STIM1: variants seen among roughly 807,000 people sequenced by gnomAD.
STIM1 encodes the protein stromal interaction molecule 1.
Under a neutral mutation model 74.7 loss-of-function variants are expected in STIM1, and 25 were observed. That is an observed-to-expected ratio of 0.33 (90% CI 0.24 to 0.47). STIM1 has a LOEUF of 0.47. STIM1 is among the 20% of genes least tolerant of loss of function. STIM1 has a pLI of 1.00. For missense variants in STIM1, 728 were observed against 920.8 expected (o/e 0.79, Z 2.71); for synonymous variants, 328 against 348.8 (o/e 0.94, Z 0.66).
At chr11:3,917,838 T>C (rs2092668409) in intron 1 of STIM1, among the ~76,000 whole-genome samples, 1 of 152,180 alleles carries the variant, frequency 6.6e-6, no homozygotes, top group Non-Finnish European at 1.5e-5. Context: ...GAAGACTAAG[T>C]TTTCTGGGAG....
intron 2 of STIM1, among the ~76,000 whole-genome samples, chr11:3,995,006 T>G (rs1451324575): frequency 6.6e-6 from 1 of 152,210 alleles, no homozygotes; most frequent in African/African-American, 2.4e-5. Flanking sequence ...TTTAAAACAA[T>G]AATTTGTCTC....
chr11:3,892,023 T>A (rs1469086373), intron 1 of STIM1, among the ~76,000 whole-genome samples: 1 of 152,236 alleles, frequency 6.6e-6, no homozygotes, highest in Non-Finnish European at 1.5e-5. Context: ...GCAGAGTGTC[T>A]AAGGACAAAA....
Position 3,879,320 on chromosome 11 carries a change from C to T in STIM1, c.139+22911C>T, listed in dbSNP as rs140593787. The stretch of plus-strand genomic sequence containing the variant: ...CTATGGCTTTCCAAAACCCTCCAAT[C>T]CTGTTCATTCTTTTCTCTGTAGTTT... On this transcript the variant is annotated intron_variant, in intron 1 of 12. Transcript: ENST00000526596. 2.9e-4 allele frequency among the ~76,000 whole-genome samples: 44 copies of T among 152,278 alleles called. 1 individual carries two copies. The East Asian group carries it at 7.3e-3, about 25-fold the overall frequency.
intron 2 of STIM1, among the ~76,000 whole-genome samples, chr11:3,983,019 TCTC>T (rs781101593): frequency 2.7e-4 from 41 of 152,168 alleles, no homozygotes; most frequent in Non-Finnish European, 5.4e-4. Context: ...GCAGCCTCCA[TCTC>T]CTAGGGTCAA....
chr11:4,066,295 G>A (rs957362053), intron 5 of STIM1, among the ~76,000 whole-genome samples: 4 of 152,180 alleles, frequency 2.6e-5, no homozygotes, highest in Non-Finnish European at 5.9e-5. Context: ...CTGAGTTTGT[G>A]TAGGGGTTGT....
intron 1 of STIM1, among the ~76,000 whole-genome samples, chr11:3,867,779 A>G (rs1475929342): frequency 6.6e-6 from 1 of 152,182 alleles, no homozygotes; most frequent in East Asian, 1.9e-4. Flanking sequence ...GGTTGGCCAT[A>G]TACACAGAGC....
At chr11:4,077,051 C>CAAAA (rs146968278) in intron 7 of STIM1, among the ~76,000 whole-genome samples, 1 of 149,910 alleles carries the variant, frequency 6.7e-6, no homozygotes, top group Non-Finnish European at 1.5e-5. Flanking sequence ...TATAAGAACA[C>CAAAA]AAAAAAAGGT....
chr11:4,067,109 G>C (rs773958563), intron 5 of STIM1, among the ~76,000 whole-genome samples: 1 of 152,156 alleles, frequency 6.6e-6, no homozygotes, highest in Non-Finnish European at 1.5e-5. Flanking sequence ...TCAAAGTGCT[G>C]TCATTTACAC....
At chr11:3,876,830 G>T (rs1002024729) in intron 1 of STIM1, among the ~76,000 whole-genome samples, 16 of 152,150 alleles carry the variant, frequency 1.1e-4, no homozygotes, top group Non-Finnish European at 2.9e-5. Context: ...TAAAGATAGG[G>T]TTCTTGTCTG....
At chr11:4,012,443 C>T (rs1436979385) in intron 2 of STIM1, among the ~76,000 whole-genome samples, 3 of 152,044 alleles carry the variant, frequency 2.0e-5, no homozygotes, top group Non-Finnish European at 2.9e-5. Flanking sequence ...CCTTCACATC[C>T]CTTGTAAGTT....
intron 2 of STIM1, among the ~76,000 whole-genome samples, chr11:4,012,901 C>G (rs1425367313): frequency 6.6e-6 from 1 of 152,142 alleles, no homozygotes; most frequent in African/African-American, 2.4e-5. Flanking sequence ...TATGTTCCAT[C>G]AATACCTAGT....
chr11:3,896,232 T>C (rs2092170917), intron 1 of STIM1, among the ~76,000 whole-genome samples: 1 of 152,178 alleles, frequency 6.6e-6, no homozygotes, highest in African/African-American at 2.4e-5. Flanking sequence ...TACCATTATA[T>C]GTGGGACAAG....
chr11:3,896,322 G>A (rs2092173939), intron 1 of STIM1, among the ~76,000 whole-genome samples: 1 of 152,142 alleles, frequency 6.6e-6, no homozygotes, highest in South Asian at 2.1e-4. Flanking sequence ...CTCACATTTT[G>A]TGGTAATTTA....
chr11:4,085,206 A>G (rs749050899), intron 11 of STIM1, among the ~76,000 whole-genome samples: 2 of 149,928 alleles, frequency 1.3e-5, no homozygotes, highest in Non-Finnish European at 2.9e-5. Flanking sequence ...AGCTACCAGC[A>G]TAGAAGCCCT....
chr11:4,093,080 G>C lies in STIM1; in HGVS notation c.*1282G>C, dbSNP rs1189669033. On this transcript the variant is annotated 3_prime_UTR_variant, in exon 13 of 13. Coordinates refer to ENST00000526596, the MANE Select transcript of STIM1 (RefSeq NM_001382567.1). ...TTTTGGGCCTGGGGTGGGTATACCT[G>C]GGGCTGGTCTTAGGAGGGTGCTAGG... The C allele has an allele frequency of 1.3e-5, 2 of 152,726 alleles. No individual in the cohort carries two copies. Among genetic ancestry groups the C allele is most frequent in the East Asian group, 3.8e-4 (2 of 5,196 alleles). 9.5% of individuals were successfully genotyped at this position (152,726 alleles called of 1,614,324 possible).
chr11:3,885,665 C>T (rs1051071772), intron 1 of STIM1, among the ~76,000 whole-genome samples: 4 of 152,064 alleles, frequency 2.6e-5, no homozygotes, highest in African/African-American at 7.2e-5. Context: ...GACAGGGACT[C>T]GCTCTGTTGT....
At chr11:4,063,591 G>A (rs534613653) in intron 5 of STIM1, among the ~76,000 whole-genome samples, 3 of 152,312 alleles carry the variant, frequency 2.0e-5, no homozygotes, top group Admixed American at 6.5e-5. Context: ...AAAAATTTTT[G>A]TGACTCACTT....
intron 7 of STIM1, among the ~76,000 whole-genome samples, chr11:4,080,707 C>T (rs2094461078): frequency 6.6e-6 from 1 of 152,174 alleles, no homozygotes; most frequent in South Asian, 2.1e-4. Context: ...CTCAAGTGAT[C>T]CTCCTGCTTT....
At chr11:4,052,754 A>T (rs1329884275) in intron 3 of STIM1, among the ~76,000 whole-genome samples, 2 of 152,230 alleles carry the variant, frequency 1.3e-5, no homozygotes, top group Non-Finnish European at 2.9e-5. Context: ...TAATTAAACT[A>T]AAGAGCTTCT....
Sources: allele counts gnomAD v4.1 joint callset (sites outside exome capture counted in the v4.1 genomes callset), GRCh38; gene constraint gnomAD v4.1.1; transcripts MANE v1.5; gene names NCBI Gene and HGNC (gene_info 2026-07-23, HGNC 2026-07-21).